CELF2: variants seen among roughly 807,000 people sequenced by gnomAD.
CELF2 encodes the protein CUGBP Elav-like family member 2.
Under a neutral mutation model 62.6 loss-of-function variants are expected in CELF2, and 8 were observed. The ratio of observed to expected loss-of-function variants is 0.13; its 90% CI spans 0.07 to 0.23. The LOEUF is 0.23. Ranked by LOEUF, CELF2 falls within the 10% of genes least tolerant of loss-of-function variation. The pLI, the probability that CELF2 is intolerant of heterozygous loss-of-function variation, is 1.00. For synonymous variants in CELF2, 258 were observed against 250.0 expected, an observed-to-expected ratio of 1.03 and a Z score of -0.30; for missense variants, 333 against 671.0, an observed-to-expected ratio of 0.50 and a Z score of 5.56.
chr10:10,596,414 A>G, the CELF2 span, among the ~76,000 whole-genome samples: 1 of 152,232 alleles, frequency 6.6e-6, no homozygotes, highest in Non-Finnish European at 1.5e-5. Flanking sequence ...AGAATTGCAC[A>G]TGTGGCTTGG....
intron 1 of CELF2, among the ~76,000 whole-genome samples, chr10:10,846,430 A>T (rs1169014296): frequency 6.6e-6 from 1 of 152,100 alleles, no homozygotes; most frequent in Non-Finnish European, 1.5e-5. Context: ...GTGTCTTTTC[A>T]TCTTGACAAA....
At chr10:10,692,439 G>T in the CELF2 span, among the ~76,000 whole-genome samples, 3 of 148,172 alleles carry the variant, frequency 2.0e-5, no homozygotes, top group African/African-American at 5.0e-5. Context: ...AAGTCAGGTA[G>T]TGTGATGCCT....
intron 2 of CELF2, chr10:10,923,901 G>A (rs993994301): frequency 6.6e-6 from 1 of 152,118 alleles, no homozygotes; most frequent in Non-Finnish European, 1.5e-5. Flanking sequence ...TGTAGCAAAG[G>A]ACAATTTAGC....
At chr10:11,273,369 A>T (rs2084615689) in intron 7 of CELF2, among the ~76,000 whole-genome samples, 1 of 152,162 alleles carries the variant, frequency 6.6e-6, no homozygotes, top group African/African-American at 2.4e-5. Context: ...AACCTGGTCT[A>T]AACTGCACAT....
At chr10:11,254,333 T>C (rs1378627277) in intron 4 of CELF2, among the ~76,000 whole-genome samples, 1 of 152,252 alleles carries the variant, frequency 6.6e-6, no homozygotes, top group Non-Finnish European at 1.5e-5. Flanking sequence ...AGCCCAGCAC[T>C]TCTGTGCACA....
At chr10:11,122,648 T>A (rs1258973835) in intron 1 of CELF2, among the ~76,000 whole-genome samples, 2 of 152,246 alleles carry the variant, frequency 1.3e-5, no homozygotes, top group South Asian at 4.1e-4. Context: ...CCTTTTAGAT[T>A]TGTTCCTTTA....
chr10:10,755,947 T>G, the CELF2 span, among the ~76,000 whole-genome samples: 4 of 152,306 alleles, frequency 2.6e-5, no homozygotes, highest in East Asian at 7.7e-4. Context: ...CTAATGACCA[T>G]CCCTCTGTTG....
chr10:11,122,958 G>A (rs1394539076), intron 1 of CELF2, among the ~76,000 whole-genome samples: 1 of 152,172 alleles, frequency 6.6e-6, no homozygotes, highest in Non-Finnish European at 1.5e-5. Flanking sequence ...TCTCCGAAGG[G>A]CTAGTCATGC....
chr10:11,082,236 G>C (rs1267491050), intron 1 of CELF2, among the ~76,000 whole-genome samples: 1 of 152,180 alleles, frequency 6.6e-6, no homozygotes, highest in Non-Finnish European at 1.5e-5. Context: ...AAAAAAAATG[G>C]TATCCTGCTT....
intron 2 of CELF2, among the ~76,000 whole-genome samples, chr10:10,987,947 A>G (rs887227640): frequency 9.3e-5 from 13 of 140,270 alleles, no homozygotes; most frequent in Admixed American, 7.9e-4. Context: ...CCGTAATTAA[A>G]ACGTCAAAAA....
chr10:11,086,578 TAAAAA>T lies in CELF2; in HGVS notation c.74+68443_74+68447del, dbSNP rs1168932032. Among the ~76,000 whole-genome samples the T allele has an allele frequency of 6.6e-3, 472 of 71,944 alleles. 7 individuals carry two copies. The highest frequency in any genetic ancestry group is 0.024 in the African/African-American group (434 of 18,204). 47.2% of individuals were successfully genotyped at this position (71,944 alleles called of 152,430 possible). ...AATCCATGTCTCCATTTGCATTTGT[TAAAAA>T]AAAAAAAAAAAAAAAAAAAAAAAAA... On this transcript the variant is annotated intron_variant, in intron 1 of 12. Transcript: ENST00000633077.
At chr10:11,147,610 TGA>T (rs1358284606) in intron 1 of CELF2, among the ~76,000 whole-genome samples, 1 of 152,132 alleles carries the variant, frequency 6.6e-6, no homozygotes, top group African/African-American at 2.4e-5. Context: ...TTAAGTAGGG[TGA>T]GTCTTTTAAA....
chr10:11,314,863 T>C lies in CELF2; in HGVS notation c.1096+605T>C, dbSNP rs2094822474. The C allele has an allele frequency of 5.7e-6, 1 of 175,406 alleles. No individual in the cohort carries two copies. Among genetic ancestry groups the C allele is most frequent in the Non-Finnish European group, 1.2e-5 (1 of 82,712 alleles). The allele number at this position is 175,406 out of a possible 1,614,324, so 10.9% of individuals were successfully genotyped here. On this transcript the variant is annotated intron_variant, in intron 10 of 12. Transcript: ENST00000633077. The surrounding 1 kb of genome is among the most constrained non-coding windows in gnomAD (Gnocchi z 5.3). ...GGAGCCACTGCTGGCAGTGACATGA[T>C]CAGAATCTTTATTAAGCACCCACAG...
the CELF2 span, chr10:10,789,079 G>C: frequency 4.6e-5 from 7 of 152,126 alleles, no homozygotes; most frequent in African/African-American, 1.7e-4. Context: ...GATTGCAAAA[G>C]AGAAAGCTAG....
the CELF2 span, among the ~76,000 whole-genome samples, chr10:10,610,696 GTC>G: frequency 6.6e-6 from 1 of 152,102 alleles, no homozygotes; most frequent in African/African-American, 2.4e-5. Flanking sequence ...AAATGCTTTT[GTC>G]TCTGTGATGC....
At chr10:10,529,870 A>G in the CELF2 span, among the ~76,000 whole-genome samples, 17 of 152,258 alleles carry the variant, frequency 1.1e-4, no homozygotes, top group Admixed American at 3.9e-4. Context: ...AACAGACTCC[A>G]AGGCAGTGCC....
intron 1 of CELF2, among the ~76,000 whole-genome samples, chr10:10,821,060 T>C (rs1247253457): frequency 2.6e-5 from 4 of 152,034 alleles, no homozygotes; most frequent in Middle Eastern, 3.4e-3. Flanking sequence ...GGGATTGGAG[T>C]GACATTGGTT....
intron 1 of CELF2, among the ~76,000 whole-genome samples, chr10:11,084,218 G>C (rs1214538762): frequency 6.6e-6 from 1 of 152,230 alleles, no homozygotes; most frequent in Non-Finnish European, 1.5e-5. Flanking sequence ...TAGCTTTGTT[G>C]ATGGTGTCTG....
chr10:11,299,762 AT>A (rs59049692), intron 9 of CELF2, among the ~76,000 whole-genome samples: 40,041 of 151,646 alleles, frequency 0.26, 7,921 homozygotes, highest in African/African-American at 0.56. Context: ...CCAGAACCGT[AT>A]TTCTGGGTTT....
Sources: gnomAD v4.1 joint callset for allele counts (sites outside exome capture counted in the v4.1 genomes callset) on GRCh38, gnomAD v4.1.1 for gene constraint, Gnocchi (gnomAD v3.1) non-coding constraint, MANE v1.5 for transcripts, NCBI Gene and HGNC (gene_info 2026-07-23, HGNC 2026-07-21) for gene names.